The following MYOM2 variants were observed in gnomAD, a reference collection of about 807,000 sequenced individuals.
MYOM2 encodes myomesin-2.
A neutral mutation model predicts 187.6 loss-of-function variants in MYOM2; 254 were observed. The observed-to-expected ratio is 1.35, with a 90% CI of 1.22 to 1.50. MYOM2 has a LOEUF of 1.50. MYOM2 is among the 40% of genes most tolerant of loss of function. The pLI is 0.00. For missense variants in MYOM2, 2,796 were observed against 1,924.0 expected (o/e 1.45, Z -8.48); for synonymous variants, 981 against 753.8 (o/e 1.30, Z -4.94).
intron 2 of MYOM2, 79 bp downstream of exon 2, chr8:2,050,952 C>A (rs1818465117): frequency 8.5e-7 from 1 of 1,170,438 alleles, no homozygotes; most frequent in Non-Finnish European, 1.2e-6. Context: ...CCAGTTCCGT[C>A]AGCCCTGGAG....
At position 2,090,545 on chromosome 8, in the gene MYOM2, G is replaced by T. The variant is rs147453768; in HGVS notation, c.1828+354G>T. 2.1e-3 allele frequency among the ~76,000 whole-genome samples: 319 copies of T among 152,300 alleles called. 1 individual carries two copies. Among genetic ancestry groups the T allele is most frequent in the African/African-American group, 7.4e-3 (308 of 41,568 alleles). On this transcript the variant is annotated intron_variant, in intron 15 of 36. Transcript: ENST00000262113. ...AGGTAAACTTGTGTCATGGGGGTTTGTTGTAAAGATTATTTCGTCACCCAG... is the reference window on the plus strand; with the variant it reads ...AGGTAAACTTGTGTCATGGGGGTTTTTTGTAAAGATTATTTCGTCACCCAG...
At chr8:2,124,254 G>T in intron 31 of MYOM2, 37 bp downstream of exon 31, 1 of 1,588,164 alleles carries the variant, frequency 6.3e-7, no homozygotes. Context: ...GTCATTTGGG[G>T]TGCTGAAATC....
In MYOM2 at chr8:2,085,628, TCGTGATCTCTTTGTGGCCCCC is replaced by T. The variant is rs1819839066; in HGVS notation, c.1644+240_1644+260del. On this transcript the variant is annotated intron_variant, in intron 14 of 36. Coordinates refer to ENST00000262113, the MANE Select transcript of MYOM2 (RefSeq NM_003970.4). ...GTGATCTCTGCGTGGCCCCCCACAG[TCGTGATCTCTTTGTGGCCCCC>T]CACTGTCGTGATCTCTGCGTGGCCC... is the stretch of plus-strand genomic sequence containing the variant. 1.5e-3 allele frequency among the ~76,000 whole-genome samples: 12 copies of T among 7,974 alleles called. 2 individuals carry two copies. In the African/African-American group the frequency reaches 0.017, roughly 11 times the overall value. 5.2% of individuals were successfully genotyped at this position (7,974 alleles called of 152,430 possible).
chr8:2,121,063 T>C (rs10109082), intron 28 of MYOM2, among the ~76,000 whole-genome samples: 3,820 of 152,142 alleles, frequency 0.025, 163 homozygotes, highest in African/African-American at 0.086. Flanking sequence ...ATAATGGACA[T>C]TTAAAGGGAA....
chr8:2,105,076 C>T (rs1369023164), intron 21 of MYOM2, among the ~76,000 whole-genome samples: 1 of 152,186 alleles, frequency 6.6e-6, no homozygotes, highest in Non-Finnish European at 1.5e-5. Flanking sequence ...TGCCCCCAGT[C>T]ATTAATCACT....
At chr8:2,050,359 T>TCTTA (rs1818442553) in intron 1 of MYOM2, among the ~76,000 whole-genome samples, 1 of 152,228 alleles carries the variant, frequency 6.6e-6, no homozygotes, top group Non-Finnish European at 1.5e-5. Context: ...GGCTCTTGGC[T>TCTTA]CTTATCGTAT....
chr8:2,062,940 C>T (rs527842598), intron 6 of MYOM2, among the ~76,000 whole-genome samples: 64 of 152,290 alleles, frequency 4.2e-4, no homozygotes, highest in South Asian at 1.0e-3. Context: ...GGGCTTCGAA[C>T]GGAATGGACT....
At position 2,143,387 on chromosome 8, in the gene MYOM2, C is replaced by G; in HGVS notation, c.4025-14C>G. ...CGCAGATGTTTTCCTAACCAAGGTG[C>G]TTTCCCGTTGCAGATCGTGGCAGGT... On this transcript the variant is annotated splice_polypyrimidine_tract_variant and intron_variant, in intron 35 of 36. Coordinates refer to ENST00000262113, the MANE Select transcript of MYOM2 (RefSeq NM_003970.4). 5.0e-6 allele frequency: 8 copies of G among 1,614,236 alleles called. No individual in the cohort carries two copies. Among genetic ancestry groups the G allele is most frequent in the Admixed American group, 1.7e-5 (1 of 60,028 alleles).
chr8:2,130,854 G>C (rs60166746), intron 32 of MYOM2, among the ~76,000 whole-genome samples: 141 of 152,206 alleles, frequency 9.3e-4, no homozygotes, highest in African/African-American at 3.2e-3. Flanking sequence ...TTTATTTTGT[G>C]GGACAATGAG....
chr8:2,132,934 AG>A (rs1427897493), intron 32 of MYOM2, among the ~76,000 whole-genome samples: 15 of 152,172 alleles, frequency 9.9e-5, no homozygotes, highest in African/African-American at 3.6e-4. Flanking sequence ...ACAGGGTGGG[AG>A]GGGCAGTGGC....
rs377302331 is a variant in MYOM2, at chr8:2,108,056, A to G, written c.2999-730A>G. 1.4e-3 allele frequency among the ~76,000 whole-genome samples: 218 copies of G among 152,252 alleles called. 4 individuals are homozygous for G. Among genetic ancestry groups the G allele is most frequent in the African/African-American group, 4.9e-3 (204 of 41,552 alleles). ...CCTGTGAAACCAGTTGCCAATATGA[A>G]TTTACTTTTGGGCAGAAAAATCTAA... On this transcript the variant is annotated intron_variant, in intron 23 of 36. Transcript: ENST00000262113.
chr8:2,059,250 G>C lies in MYOM2; in HGVS notation c.653+5G>C. 6.2e-7 allele frequency: 1 copy of C among 1,613,148 alleles called. No individual in the cohort carries two copies. The highest frequency in any genetic ancestry group is 1.1e-5 in the South Asian group (1 of 91,044). ...ACACACACTGGAGATCAACAGGTAT[G>C]GCTGTGGTGGGGGCTCTGGACGCTG... On this transcript the variant is annotated splice_donor_5th_base_variant and intron_variant, in intron 6 of 36. Coordinates refer to ENST00000262113, the MANE Select transcript of MYOM2 (RefSeq NM_003970.4).
intron 27 of MYOM2, among the ~76,000 whole-genome samples, chr8:2,117,207 A>T (rs1797278872): frequency 6.6e-6 from 1 of 152,220 alleles, no homozygotes; most frequent in Non-Finnish European, 1.5e-5. Context: ...ACTTACTTCT[A>T]CATTATGAAC....
chr8:2,116,984 C>A (rs1055213587), intron 27 of MYOM2, among the ~76,000 whole-genome samples: 1 of 152,180 alleles, frequency 6.6e-6, no homozygotes, highest in African/African-American at 2.4e-5. Flanking sequence ...AGGATGGTCT[C>A]GATCTCCTGA....
At chr8:2,064,562 T>A (rs1652765950) in intron 6 of MYOM2, among the ~76,000 whole-genome samples, 1 of 152,184 alleles carries the variant, frequency 6.6e-6, no homozygotes. Flanking sequence ...GCCAAGCGGA[T>A]GGAGGGCTTC....
intron 15 of MYOM2, among the ~76,000 whole-genome samples, chr8:2,091,016 CTTTT>C (rs35873643): frequency 4.6e-5 from 4 of 86,526 alleles, no homozygotes; most frequent in African/African-American, 9.0e-5. Flanking sequence ...AATGATAGTT[CTTTT>C]TTTTTTTTTT....
Position 2,123,643 on chromosome 8 carries a change from G to A in MYOM2, c.3655+1G>A. 6.2e-7 allele frequency: 1 copy of A among 1,613,766 alleles called. No individual in the cohort carries two copies. Among genetic ancestry groups the A allele is most frequent in the South Asian group, 1.1e-5 (1 of 91,070 alleles). On this transcript the variant is annotated splice_donor_variant, in intron 30 of 36. Coordinates refer to ENST00000262113, the MANE Select transcript of MYOM2 (RefSeq NM_003970.4). LOFTEE classifies it high-confidence loss of function. ...TCCATCCTTGAAATAGCTGGCAAAGGTAAAAGAAAACCTCCTTTGTTCTGT... is the reference window on the plus strand; with the variant it reads ...TCCATCCTTGAAATAGCTGGCAAAGATAAAAGAAAACCTCCTTTGTTCTGT...
intron 21 of MYOM2, among the ~76,000 whole-genome samples, chr8:2,104,192 C>T (rs1563058240): frequency 6.6e-6 from 1 of 152,092 alleles, no homozygotes; most frequent in East Asian, 1.9e-4. Context: ...AATAAAAGTT[C>T]CCTGGAGTCA....
intron 18 of MYOM2, among the ~76,000 whole-genome samples, chr8:2,098,351 C>G (rs1405368775): frequency 6.6e-6 from 1 of 152,076 alleles, no homozygotes; most frequent in African/African-American, 2.4e-5. Context: ...CCCCAGACTG[C>G]AGCACCCCAG....
Sources: gnomAD v4.1 joint callset for allele counts (sites outside exome capture counted in the v4.1 genomes callset) on GRCh38, gnomAD v4.1.1 for gene constraint, MANE v1.5 for transcripts, NCBI Gene and HGNC (gene_info 2026-07-23, HGNC 2026-07-21) for gene names.